The following MAX variants were observed in gnomAD, a reference collection of about 807,000 sequenced individuals.
The protein encoded by MAX is protein max.
Under a neutral mutation model 22.3 loss-of-function variants are expected in MAX, and 3 were observed. That is an observed-to-expected ratio of 0.13 (90% CI 0.06 to 0.35). The LOEUF (loss-of-function observed/expected upper bound fraction) is 0.35. MAX is among the 10% of genes least tolerant of loss of function. MAX has a pLI of 1.00. For synonymous variants in MAX, 72 were observed against 77.7 expected, an observed-to-expected ratio of 0.93 and a Z score of 0.39; for missense variants, 119 against 209.4, an observed-to-expected ratio of 0.57 and a Z score of 2.66.
intron 3 of MAX, chr14:65,015,409 T>C: frequency 2.5e-6 from 1 of 397,154 alleles, no homozygotes; most frequent in African/African-American, 2.1e-5. Flanking sequence ...AGCCTTGTTA[T>C]CTTTTTTTTT....
chr14:65,027,337 C>T lies in MAX; in HGVS notation c.172-21053G>A, dbSNP rs1169230859. The T allele has an allele frequency of 6.4e-5, 95 of 1,495,766 alleles. No homozygotes were observed. The highest frequency in any genetic ancestry group is 8.0e-5 in the Non-Finnish European group (89 of 1,106,630). The allele number at this position is 1,495,766 out of a possible 1,614,324, so 92.7% of individuals were successfully genotyped here. The stretch of plus-strand genomic sequence containing the variant: ...ATTCAACAAGTGGGAGGAGAGGTTC[C>T]CCTCAACTTTTGAGGGAGTGGGGGA... On this transcript the variant is annotated intron_variant, in intron 3 of 3. Coordinates refer to the MAX transcript ENST00000341653. This position sits in a 1 kb window ranked among gnomAD's most constrained non-coding sequence, Gnocchi z 5.7.
chr14:65,016,105 C>T (rs2061768496), intron 3 of MAX, among the ~76,000 whole-genome samples: 1 of 152,182 alleles, frequency 6.6e-6, no homozygotes, highest in African/African-American at 2.4e-5. Flanking sequence ...ATGCCTTTGC[C>T]TTTCCTACGC....
intron 3 of MAX, among the ~76,000 whole-genome samples, chr14:65,052,726 G>A (rs904511737): frequency 3.3e-5 from 5 of 152,250 alleles, no homozygotes; most frequent in African/African-American, 1.2e-4. Flanking sequence ...TGAGAGACAA[G>A]TTAGAGAATT....
At chr14:65,091,941 T>C (rs1030018320) in intron 3 of MAX, 8 of 152,200 alleles carry the variant, frequency 5.3e-5, no homozygotes, top group Non-Finnish European at 7.3e-5. Context: ...TAAGTATGTG[T>C]TGAATGGCAT....
intron 3 of MAX, among the ~76,000 whole-genome samples, chr14:65,048,556 A>G (rs1053917828): frequency 6.6e-6 from 1 of 152,296 alleles, no homozygotes; most frequent in African/African-American, 2.4e-5. Context: ...AGGAATTACT[A>G]TTAGTACCTT....
At chr14:65,018,810 A>T (rs1289067055) in intron 3 of MAX, among the ~76,000 whole-genome samples, 2 of 67,064 alleles carry the variant, frequency 3.0e-5, no homozygotes, top group South Asian at 5.3e-4. Flanking sequence ...ACTCTGTCTT[A>T]AAAAAAAAAA....
rs780295712 is a variant in MAX at position 65,077,874 on chromosome 14, C to T, written c.295+39G>A. ...GTGCCAAAGCCTGACCTGGCTGGAG[C>T]ACAGCAGGGCCAGCTGCCCCACGAG... On this transcript the variant is annotated intron_variant, in intron 4 of 4. Coordinates refer to ENST00000358664, the MANE Select transcript of MAX (RefSeq NM_002382.5). The surrounding 1 kb of genome is among the most constrained non-coding windows in gnomAD (Gnocchi z 6.3). 88 of 1,614,086 alleles carry T rather than the reference C, an allele frequency of 5.5e-5. No homozygotes were observed. In the Middle Eastern group the frequency reaches 8.2e-4, roughly 15 times the overall value.
chr14:65,101,098 A>G (rs578219927), intron 2 of MAX, among the ~76,000 whole-genome samples: 2 of 152,384 alleles, frequency 1.3e-5, no homozygotes, highest in South Asian at 2.1e-4. Context: ...GGTCTATAGC[A>G]GTCACATGAC....
chr14:65,019,188 A>G (rs1400924881), intron 3 of MAX, among the ~76,000 whole-genome samples: 2 of 150,678 alleles, frequency 1.3e-5, no homozygotes, highest in South Asian at 2.1e-4. Flanking sequence ...AAAGAAAAAG[A>G]AAAAGAAGAA....
rs749947758 is a variant in MAX, at chr14:65,040,894, G to C, written c.172-34610C>G. The C allele has an allele frequency of 3.7e-6, 6 of 1,613,926 alleles. No individual in the cohort carries two copies. In the Admixed American group the frequency reaches 8.3e-5, roughly 22 times the overall value. On this transcript the variant is annotated intron_variant, in intron 3 of 3. Coordinates refer to the MAX transcript ENST00000341653. ...GCGCTGGTAATCCTCAAGAGGGAACGTTCCTTGAACTTGAAGAGCTTATTA... is the reference window on the plus strand; with the variant it reads ...GCGCTGGTAATCCTCAAGAGGGAACCTTCCTTGAACTTGAAGAGCTTATTA...
rs377761994 is a variant in MAX, at chr14:65,016,885, A to G, written c.172-10601T>C. 4.0e-5 allele frequency among the ~76,000 whole-genome samples: 6 copies of G among 151,738 alleles called. No individual in the cohort carries two copies. The East Asian group carries it at 1.2e-3, about 29-fold the overall frequency. On this transcript the variant is annotated intron_variant, in intron 3 of 3. Coordinates refer to the MAX transcript ENST00000341653. ...GAGAGTTGGACACAGTTTCTGCAGTAACAGGAATTTAATTGTCAAAGAAAG... is the reference window on the plus strand; with the variant it reads ...GAGAGTTGGACACAGTTTCTGCAGTGACAGGAATTTAATTGTCAAAGAAAG...
At chr14:65,067,029 A>AAG (rs2062938132) in intron 3 of MAX, among the ~76,000 whole-genome samples, 1 of 151,178 alleles carries the variant, frequency 6.6e-6, no homozygotes, top group Non-Finnish European at 1.5e-5. Flanking sequence ...TAAAAAAAAA[A>AAG]AAAAAAATTA....
At position 65,032,749 on chromosome 14, in the gene MAX, A is replaced by T. The variant is rs1365288639; in HGVS notation, c.172-26465T>A. ...CTCTTGGAGAGCAGGCGGTCACGAC[A>T]CTACTTCAGAAAAATAAAGAAAATG... On this transcript the variant is annotated intron_variant, in intron 3 of 3. Coordinates refer to the MAX transcript ENST00000341653. The surrounding 1 kb of genome is among the most constrained non-coding windows in gnomAD (Gnocchi z 5.0). 6.4e-7 allele frequency: 1 copy of T among 1,550,820 alleles called. No homozygotes were observed. Among genetic ancestry groups the T allele is most frequent in the African/African-American group, 1.4e-5 (1 of 72,368 alleles).
In MAX at chr14:65,100,122, T is replaced by C. The variant is rs1438713306; in HGVS notation, c.63+1424A>G. On this transcript the variant is annotated intron_variant, in intron 2 of 4. Coordinates refer to ENST00000358664, the MANE Select transcript of MAX (RefSeq NM_002382.5). ...CACATCATTTTAAAAATCAGAAAAA[T>C]AACATAAAGTTTTAGATTTCTAATC... 3.9e-5 allele frequency among the ~76,000 whole-genome samples: 6 copies of C among 152,240 alleles called. No individual in the cohort carries two copies. The East Asian group carries it at 1.2e-3, about 29-fold the overall frequency.
At chr14:65,081,835 A>G (rs1244023153) in intron 3 of MAX, among the ~76,000 whole-genome samples, 1 of 152,200 alleles carries the variant, frequency 6.6e-6, no homozygotes, top group Non-Finnish European at 1.5e-5. Context: ...AAGGGACTGA[A>G]GAGGTAGCCA....
Position 65,093,639 on chromosome 14 carries a change from C to T in MAX, c.171+69G>A, listed in dbSNP as rs1013531119. The T allele has an allele frequency of 1.3e-4, 108 of 841,618 alleles. No homozygotes were observed. Among genetic ancestry groups the T allele is most frequent in the Non-Finnish European group, 2.0e-4 (95 of 476,026 alleles). 52.1% of individuals were successfully genotyped at this position (841,618 alleles called of 1,614,324 possible). ...ACATTTCCTTCCCAATAGGTGAGTG[C>T]TCTGCTAAGCTCTGCAACAAGTTCC... On this transcript the variant is annotated intron_variant, in intron 3 of 4. Coordinates refer to ENST00000358664, the MANE Select transcript of MAX (RefSeq NM_002382.5). The surrounding 1 kb of genome is among the most constrained non-coding windows in gnomAD (Gnocchi z 4.4).
intron 3 of MAX, among the ~76,000 whole-genome samples, chr14:65,019,850 A>G (rs531910609): frequency 1.3e-5 from 2 of 152,352 alleles, no homozygotes; most frequent in African/African-American, 4.8e-5. Context: ...TAAGATACAG[A>G]TAAATCTTAA....
chr14:65,094,849 G>A (rs1464028938), intron 2 of MAX, among the ~76,000 whole-genome samples: 6 of 152,324 alleles, frequency 3.9e-5, no homozygotes, highest in Middle Eastern at 3.4e-3. Flanking sequence ...TAGGAATTAC[G>A]GAAATTATGC....
intron 3 of MAX, chr14:65,015,401 C>G: frequency 2.4e-6 from 1 of 410,804 alleles, no homozygotes; most frequent in Non-Finnish European, 4.4e-6. Context: ...CCGCGCCCAG[C>G]CTTGTTATCT....
Sources: gnomAD v4.1 joint callset for allele counts (sites outside exome capture counted in the v4.1 genomes callset) on GRCh38, gnomAD v4.1.1 for gene constraint, Gnocchi (gnomAD v3.1) non-coding constraint, MANE v1.5 for transcripts, NCBI Gene and HGNC (gene_info 2026-07-23, HGNC 2026-07-21) for gene names.